The following NAALADL2 variants were observed in gnomAD, a reference collection of about 807,000 sequenced individuals.
The protein encoded by NAALADL2 is inactive N-acetylated-alpha-linked acidic dipeptidase-like protein 2.
Under a neutral mutation model 87.2 loss-of-function variants are expected in NAALADL2, and 76 were observed. That is an observed-to-expected ratio of 0.87 (90% CI 0.72 to 1.05). The LOEUF (loss-of-function observed/expected upper bound fraction) is 1.05. Among genes scored for constraint, NAALADL2 ranks in the 50% least tolerant of loss-of-function variants. The pLI is 0.00. For synonymous variants in NAALADL2, 354 were observed against 331.0 expected, an observed-to-expected ratio of 1.07 and a Z score of -0.75; for missense variants, 1,089 against 945.8, an observed-to-expected ratio of 1.15 and a Z score of -1.99.
Position 174,703,912 on chromosome 3 carries a change from A to C in NAALADL2, c.-114-33729A>C, listed in dbSNP as rs577780328. Reference sequence around the variant, plus strand: ...AAACTCTGGCCTCTTAGGGTAGGAAAATTTTTTCAGTCTGTGCATGCTCTA... The same window carrying C: ...AAACTCTGGCCTCTTAGGGTAGGAACATTTTTTCAGTCTGTGCATGCTCTA... On this transcript the variant is annotated intron_variant, in intron 2 of 3. Coordinates refer to the NAALADL2 transcript ENST00000434257. Among the ~76,000 whole-genome samples, 85 of 152,276 alleles carry C rather than the reference A, an allele frequency of 5.6e-4. No individual in the cohort carries two copies. The Middle Eastern group carries it at 0.01, about 18-fold the overall frequency.
intron 9 of NAALADL2, among the ~76,000 whole-genome samples, chr3:175,525,794 G>T (rs1041593319): frequency 6.6e-6 from 1 of 151,988 alleles, no homozygotes; most frequent in East Asian, 1.9e-4. Context: ...TTCTTACATT[G>T]TGGTATTTAA....
chr3:174,642,749 CATATATATATATATAT>C lies in NAALADL2; in HGVS notation c.-115+92137_-115+92152del, dbSNP rs71624288. Among the ~76,000 whole-genome samples, 151 of 130,284 alleles carry C rather than the reference CATATATATATATATAT, an allele frequency of 1.2e-3. 1 individual carries two copies. Among genetic ancestry groups the C allele is most frequent in the African/African-American group, 3.2e-3 (108 of 33,966 alleles). The allele number at this position is 130,284 out of a possible 152,430, so 85.5% of individuals were successfully genotyped here. On this transcript the variant is annotated intron_variant, in intron 2 of 3. Transcript: ENST00000434257. ...GTAATATCAGTGCCATGAAAAAAAA[CATATATATATATATAT>C]ATATATATATATATATATATATATG...
intron 2 of NAALADL2, among the ~76,000 whole-genome samples, chr3:175,122,642 A>G (rs912010897): frequency 6.6e-6 from 1 of 151,670 alleles, no homozygotes. Context: ...GGTCTTGCTT[A>G]TATCTGGGGT....
chr3:174,866,263 T>A (rs1423329391), intron 1 of NAALADL2, among the ~76,000 whole-genome samples: 3 of 151,784 alleles, frequency 2.0e-5, no homozygotes, highest in Non-Finnish European at 4.4e-5. Flanking sequence ...AAAATTGTTA[T>A]AGAGAGAAGG....
chr3:175,062,492 G>A lies in NAALADL2; in HGVS notation c.44-34298G>A, dbSNP rs868212740. 2.2e-3 allele frequency among the ~76,000 whole-genome samples: 316 copies of A among 143,384 alleles called. 2 individuals are homozygous for A. Among genetic ancestry groups the A allele is most frequent in the African/African-American group, 8.6e-3 (294 of 34,066 alleles). The allele number at this position is 143,384 out of a possible 152,430, so 94.1% of individuals were successfully genotyped here. ...GAAGTTTGGCTGTGTGTGTGTGTGT[G>A]TGTGTGTGTGTGTGTGTGTGTGTGT... On this transcript the variant is annotated intron_variant, in intron 1 of 13. Transcript: ENST00000454872.
At chr3:174,569,413 A>G (rs1178428839) in intron 2 of NAALADL2, among the ~76,000 whole-genome samples, 1 of 152,048 alleles carries the variant, frequency 6.6e-6, no homozygotes, top group Admixed American at 6.6e-5. Context: ...GTACAGTTCA[A>G]TGAATTTTGA....
intron 1 of NAALADL2, among the ~76,000 whole-genome samples, chr3:174,911,855 T>G (rs1733748860): frequency 6.6e-6 from 1 of 152,068 alleles, no homozygotes; most frequent in Admixed American, 6.6e-5. Flanking sequence ...AACCACAGCC[T>G]TTAGAGCGAT....
chr3:175,191,318 A>T (rs528224239), intron 2 of NAALADL2, among the ~76,000 whole-genome samples: 3 of 152,320 alleles, frequency 2.0e-5, no homozygotes, highest in Admixed American at 6.5e-5. Context: ...GGCAATAAAA[A>T]CTGAATATAG....
At chr3:174,543,464 C>T (rs1722439426) in intron 1 of NAALADL2, among the ~76,000 whole-genome samples, 2 of 152,034 alleles carry the variant, frequency 1.3e-5, no homozygotes, top group South Asian at 2.1e-4. Flanking sequence ...CTTTGATTAC[C>T]TCTTTTACAT....
At chr3:175,402,690 A>G (rs979346001) in intron 5 of NAALADL2, among the ~76,000 whole-genome samples, 1 of 152,034 alleles carries the variant, frequency 6.6e-6, no homozygotes, top group African/African-American at 2.4e-5. Flanking sequence ...TATGAAGTTT[A>G]TACCAGCTAA....
At chr3:174,496,000 C>G (rs1718511969) in intron 1 of NAALADL2, among the ~76,000 whole-genome samples, 2 of 152,098 alleles carry the variant, frequency 1.3e-5, no homozygotes, top group Admixed American at 1.3e-4. Flanking sequence ...CTAGGCCTTT[C>G]CAGCTAAAAT....
intron 2 of NAALADL2, among the ~76,000 whole-genome samples, chr3:175,193,102 T>A (rs979974708): frequency 6.6e-6 from 1 of 152,022 alleles, no homozygotes; most frequent in Non-Finnish European, 1.5e-5. Flanking sequence ...AATCTTTATA[T>A]TTTTAATCTA....
At chr3:175,626,977 C>T (rs2149714627) in intron 10 of NAALADL2, among the ~76,000 whole-genome samples, 1 of 151,822 alleles carries the variant, frequency 6.6e-6, no homozygotes, top group East Asian at 1.9e-4. Flanking sequence ...TTTTGAATGT[C>T]CCACAAACAT....
chr3:174,818,811 T>C (rs1464112608), intron 3 of NAALADL2, among the ~76,000 whole-genome samples: 1 of 152,092 alleles, frequency 6.6e-6, no homozygotes, highest in East Asian at 1.9e-4. Flanking sequence ...GCATCCCAAA[T>C]TTCTGACGTC....
chr3:175,456,650 TCTGA>T (rs557499653), intron 6 of NAALADL2, among the ~76,000 whole-genome samples: 3 of 152,190 alleles, frequency 2.0e-5, no homozygotes, highest in Non-Finnish European at 4.4e-5. Flanking sequence ...AGTGAATATC[TCTGA>T]CTTTGTCAGT....
chr3:175,220,450 CA>C (rs1240125831), intron 2 of NAALADL2, among the ~76,000 whole-genome samples: 2 of 151,754 alleles, frequency 1.3e-5, no homozygotes. Flanking sequence ...TTTTTAAGGA[CA>C]TTTTTCTACT....
At chr3:175,500,823 G>T (rs571399101) in intron 9 of NAALADL2, among the ~76,000 whole-genome samples, 5 of 152,230 alleles carry the variant, frequency 3.3e-5, no homozygotes, top group African/African-American at 1.2e-4. Context: ...TCTGGTTCCA[G>T]AGTCTATTCT....
intron 2 of NAALADL2, among the ~76,000 whole-genome samples, chr3:175,207,135 C>G (rs1015018272): frequency 1.3e-5 from 2 of 151,940 alleles, no homozygotes; most frequent in African/African-American, 4.8e-5. Flanking sequence ...GTGTATAGAA[C>G]TAAAGGACTC....
At chr3:174,943,024 C>A (rs868622887) in intron 1 of NAALADL2, among the ~76,000 whole-genome samples, 35 of 152,238 alleles carry the variant, frequency 2.3e-4, no homozygotes, top group Admixed American at 4.6e-4. Context: ...ATTCCAAATT[C>A]TATTTCTGTC....
Sources: allele counts gnomAD v4.1 joint callset (sites outside exome capture counted in the v4.1 genomes callset), GRCh38; gene constraint gnomAD v4.1.1; transcripts MANE v1.5; gene names NCBI Gene and HGNC (gene_info 2026-07-23, HGNC 2026-07-21).